The following TMPRSS2 variants were observed in gnomAD, a reference collection of about 807,000 sequenced individuals.
TMPRSS2 encodes the protein transmembrane serine protease 2.
In TMPRSS2, 59 loss-of-function variants were observed where a neutral mutation model predicts 67.4. The ratio of observed to expected loss-of-function variants is 0.88; its 90% CI spans 0.71 to 1.09. The LOEUF (loss-of-function observed/expected upper bound fraction) is 1.09. TMPRSS2 is among the 50% of genes least tolerant of loss of function. TMPRSS2 has a pLI of 0.00. For missense variants in TMPRSS2, 668 were observed against 642.7 expected, an observed-to-expected ratio of 1.04 and a Z score of -0.43; for synonymous variants, 257 against 257.0, an observed-to-expected ratio of 1.00 and a Z score of 0.00.
intron 3 of TMPRSS2, among the ~76,000 whole-genome samples, chr21:41,492,634 A>T (rs1028369273): frequency 3.3e-5 from 5 of 152,230 alleles, no homozygotes; most frequent in Non-Finnish European, 1.5e-5. Flanking sequence ...ATTATTTCTG[A>T]GTTTATAAAT....
At chr21:41,480,452 C>A in intron 6 of TMPRSS2, 24 bp downstream of exon 6, 4 of 1,609,102 alleles carry the variant, frequency 2.5e-6, no homozygotes, top group South Asian at 1.1e-5. Context: ...TACTGTCACT[C>A]GGCGGGTGCT....
At chr21:41,481,379 C>T (rs1293140570) in intron 5 of TMPRSS2, among the ~76,000 whole-genome samples, 1 of 152,034 alleles carries the variant, frequency 6.6e-6, no homozygotes, top group African/African-American at 2.4e-5. Flanking sequence ...TGTGTGAGCC[C>T]ACGTATTGCA....
At chr21:41,481,155 A>G (rs75655573) in intron 5 of TMPRSS2, among the ~76,000 whole-genome samples, 216 of 152,334 alleles carry the variant, frequency 1.4e-3, no homozygotes, top group African/African-American at 4.4e-3. Context: ...ACCCTCTTAA[A>G]ACAGCTGAAA....
At chr21:41,477,372 G>C (rs1032821734) in intron 7 of TMPRSS2, among the ~76,000 whole-genome samples, 1 of 152,146 alleles carries the variant, frequency 6.6e-6, no homozygotes, top group Admixed American at 6.5e-5. Flanking sequence ...ACAAAATCAC[G>C]ATCTGATGTC....
At chr21:41,501,641 C>T (rs1440999733) in intron 1 of TMPRSS2, among the ~76,000 whole-genome samples, 1 of 121,182 alleles carries the variant, frequency 8.3e-6, no homozygotes, top group East Asian at 2.4e-4. Context: ...AAAAAAGAAA[C>T]AACAACAACA....
chr21:41,503,180 G>C (rs1285189758), intron 1 of TMPRSS2, among the ~76,000 whole-genome samples: 1 of 152,194 alleles, frequency 6.6e-6, no homozygotes, highest in Non-Finnish European at 1.5e-5. Context: ...AGCAGAGGGC[G>C]ATAAGATGCC....
intron 7 of TMPRSS2, 106 bp from the exon 8 acceptor site, chr21:41,476,726 T>C: frequency 9.8e-7 from 1 of 1,018,518 alleles, no homozygotes; most frequent in Non-Finnish European, 1.5e-6. Context: ...TCCTGTCTTC[T>C]GAGACATAGA....
In TMPRSS2 at chr21:41,478,698, G is replaced by A. The variant is rs908847006; in HGVS notation, c.683+474C>T. Among the ~76,000 whole-genome samples, 2 of 152,116 alleles carry A rather than the reference G, an allele frequency of 1.3e-5. No homozygotes were observed. The highest frequency in any genetic ancestry group is 4.8e-5 in the African/African-American group (2 of 41,416). ...TCTGGCACTGCTGTCCCGGGGTTGG[G>A]GCTAACGGGACCAGCCAGCCCAGCT... On this transcript the variant is annotated intron_variant, in intron 7 of 13. Coordinates refer to ENST00000332149, the MANE Select transcript of TMPRSS2 (RefSeq NM_005656.4). The surrounding 1 kb of genome is among the most constrained non-coding windows in gnomAD (Gnocchi z 4.0).
rs150907799 is a variant in TMPRSS2, at chr21:41,470,081, C to T, written c.1171+567G>A. Among the ~76,000 whole-genome samples, 539 of 152,294 alleles carry T rather than the reference C, an allele frequency of 3.5e-3. 6 individuals are homozygous for T. Among genetic ancestry groups the T allele is most frequent in the African/African-American group, 0.012 (498 of 41,550 alleles). Reference sequence around the variant, plus strand: ...TAGACGCTTTTGAGAAGGATATAAACAATATGTAAAATGAACCTTTGTGCC... The same window carrying T: ...TAGACGCTTTTGAGAAGGATATAAATAATATGTAAAATGAACCTTTGTGCC... On this transcript the variant is annotated intron_variant, in intron 11 of 13. Coordinates refer to ENST00000332149, the MANE Select transcript of TMPRSS2 (RefSeq NM_005656.4).
At chr21:41,502,679 G>A (rs2146507044) in intron 1 of TMPRSS2, 1 of 734,998 alleles carries the variant, frequency 1.4e-6, no homozygotes, top group Non-Finnish European at 1.7e-6. Flanking sequence ...TTCAGTGGCT[G>A]TTCAGCAGAA....
At chr21:41,492,132 G>A (rs948486023) in intron 3 of TMPRSS2, among the ~76,000 whole-genome samples, 2 of 152,236 alleles carry the variant, frequency 1.3e-5, no homozygotes, top group African/African-American at 4.8e-5. Context: ...GGCAGAGGTT[G>A]CAGTGAGCTG....
In TMPRSS2 at chr21:41,488,393, C is replaced by T. The variant is rs1569021444; in HGVS notation, c.445+1G>A. On this transcript the variant is annotated splice_donor_variant, in intron 5 of 13. Transcript: ENST00000332149. LOFTEE classifies it high-confidence loss of function. ...CCTTCCCAAGGTCAAGGCTGACTCA[C>T]CACACCGATTCTCGTCCTCCCCGCC... The T allele has an allele frequency of 6.2e-7, 1 of 1,611,796 alleles. No individual in the cohort carries two copies. The highest frequency in any genetic ancestry group is 8.5e-7 in the Non-Finnish European group (1 of 1,178,766).
At chr21:41,507,919 GCCCCAGCGCTCGA>G in intron 1 of TMPRSS2, 149 bp downstream of exon 1, 1 of 1,493,816 alleles carries the variant, frequency 6.7e-7, no homozygotes, top group Non-Finnish European at 8.9e-7. Flanking sequence ...TGCCCGGCTG[GCCCCAGCGCTCGA>G]CCCTCGGGCG....
chr21:41,471,984 G>A lies in TMPRSS2; in HGVS notation c.900-3C>T, dbSNP rs767486539. The A allele has an allele frequency of 3.1e-6, 5 of 1,593,638 alleles. No individual in the cohort carries two copies. The highest frequency in any genetic ancestry group is 1.7e-4 in the Middle Eastern group (1 of 6,012). On this transcript the variant is annotated splice_polypyrimidine_tract_variant and splice_region_variant and intron_variant, in intron 9 of 13. Coordinates refer to ENST00000332149, the MANE Select transcript of TMPRSS2 (RefSeq NM_005656.4). ...AATGCCATGGATTGTTAAGAGGTCT[G>A]GGAGAGAAGAAGGACTCAGTATCTC...
At position 41,466,119 on chromosome 21, in the gene TMPRSS2, G is replaced by T. The variant is rs527261679; in HGVS notation, c.*23C>A. 1 of 1,613,780 alleles carries T rather than the reference G, an allele frequency of 6.2e-7. No homozygotes were observed. The highest frequency in any genetic ancestry group is 1.7e-5 in the Admixed American group (1 of 59,964). ...CCCCATTGTTTTCTTGTAAAACGAC[G>T]TCAAGGACGAAGACCATGTGGATTA... On this transcript the variant is annotated 3_prime_UTR_variant, in exon 14 of 14. Transcript: ENST00000332149.
intron 4 of TMPRSS2, among the ~76,000 whole-genome samples, chr21:41,489,065 C>A (rs999712925): frequency 6.6e-6 from 1 of 152,140 alleles, no homozygotes; most frequent in East Asian, 1.9e-4. Context: ...TGGGTTTGGA[C>A]GGCACTCACA....
Position 41,479,171 on chromosome 21 carries a change from C to T in TMPRSS2, c.683+1G>A, listed in dbSNP as rs961839487. On this transcript the variant is annotated splice_donor_variant, in intron 7 of 13. Coordinates refer to ENST00000332149, the MANE Select transcript of TMPRSS2 (RefSeq NM_005656.4). LOFTEE classifies it high-confidence loss of function. ...TTTTTCAAGAAGAAATTGCTGCATA[C>T]CTGTGGTACAGTTTTTTATAGATAT... 1.2e-6 allele frequency: 2 copies of T among 1,612,130 alleles called. No homozygotes were observed. Among genetic ancestry groups the T allele is most frequent in the Non-Finnish European group, 1.7e-6 (2 of 1,178,572 alleles).
intron 3 of TMPRSS2, among the ~76,000 whole-genome samples, chr21:41,494,100 C>A (rs966016124): frequency 2.6e-5 from 4 of 152,176 alleles, no homozygotes; most frequent in African/African-American, 9.7e-5. Context: ...GTAGAACAGG[C>A]AAAGCTGTAC....
At chr21:41,467,666 C>T in intron 13 of TMPRSS2, 68 bp downstream of exon 13, 2 of 1,579,462 alleles carry the variant, frequency 1.3e-6, no homozygotes, top group Non-Finnish European at 1.7e-6. Context: ...CAGAACCACG[C>T]CTAACAGATG....
Sources: gnomAD v4.1 joint callset for allele counts (sites outside exome capture counted in the v4.1 genomes callset) on GRCh38, gnomAD v4.1.1 for gene constraint, Gnocchi (gnomAD v3.1) non-coding constraint, MANE v1.5 for transcripts, NCBI Gene and HGNC (gene_info 2026-07-23, HGNC 2026-07-21) for gene names.